LHFPL3: variants seen among roughly 807,000 people sequenced by gnomAD.
LHFPL3 encodes LHFPL tetraspan subfamily member 3 protein.
In LHFPL3, 5 loss-of-function variants were observed where a neutral mutation model predicts 19.3. The observed-to-expected ratio is 0.26, with a 90% CI of 0.14 to 0.54. LHFPL3 has a LOEUF of 0.54. LHFPL3 is among the 20% of genes least tolerant of loss of function. LHFPL3 has a pLI of 0.94. For synonymous variants in LHFPL3, 133 were observed against 126.2 expected (o/e 1.05, Z -0.36); for missense variants, 249 against 307.4 (o/e 0.81, Z 1.42).
intron 1 of LHFPL3, among the ~76,000 whole-genome samples, chr7:104,705,750 C>T (rs149861123): frequency 1.6e-3 from 246 of 152,314 alleles, no homozygotes; most frequent in Non-Finnish European, 2.7e-3. Context: ...TCAGTCCCCA[C>T]ACTGAGGCAG....
At chr7:104,628,086 G>A (rs1791578993) in intron 1 of LHFPL3, among the ~76,000 whole-genome samples, 1 of 152,134 alleles carries the variant, frequency 6.6e-6, no homozygotes, top group Non-Finnish European at 1.5e-5. Context: ...GCCTTGGATG[G>A]AAGGACTTGG....
At chr7:104,353,340 A>C (rs1435323035) in intron 1 of LHFPL3, among the ~76,000 whole-genome samples, 1 of 152,194 alleles carries the variant, frequency 6.6e-6, no homozygotes, top group African/African-American at 2.4e-5. Context: ...ATGTCAGATG[A>C]GACCACATGA....
chr7:104,608,302 G>A (rs1388486513), intron 1 of LHFPL3, among the ~76,000 whole-genome samples: 4 of 151,980 alleles, frequency 2.6e-5, no homozygotes, highest in South Asian at 2.1e-4. Context: ...TACACCATGG[G>A]ATACTATGCA....
At chr7:104,893,566 G>A (rs1792294785) in intron 2 of LHFPL3, among the ~76,000 whole-genome samples, 1 of 151,750 alleles carries the variant, frequency 6.6e-6, no homozygotes, top group African/African-American at 2.4e-5. Context: ...AGTAACCAAG[G>A]TTACTCTCCA....
At chr7:104,509,635 A>G (rs965175053) in intron 1 of LHFPL3, among the ~76,000 whole-genome samples, 1 of 152,112 alleles carries the variant, frequency 6.6e-6, no homozygotes, top group Admixed American at 6.5e-5. Flanking sequence ...TATTATACAT[A>G]ATGGTAAAAA....
chr7:104,871,018 G>T (rs369276171), intron 2 of LHFPL3, among the ~76,000 whole-genome samples: 5 of 152,154 alleles, frequency 3.3e-5, no homozygotes, highest in African/African-American at 1.2e-4. Flanking sequence ...AATAGCACTT[G>T]ACTGAGGGTC....
At chr7:104,856,201 C>G (rs1036657231) in intron 2 of LHFPL3, among the ~76,000 whole-genome samples, 4 of 150,770 alleles carry the variant, frequency 2.7e-5, no homozygotes, top group African/African-American at 9.8e-5. Flanking sequence ...AATGCCAATG[C>G]CTGCACTCTG....
chr7:104,879,026 G>T (rs1423587909), intron 2 of LHFPL3, among the ~76,000 whole-genome samples: 1 of 152,228 alleles, frequency 6.6e-6, no homozygotes, highest in Middle Eastern at 3.2e-3. Context: ...ATTCTACGAA[G>T]GCTGAGAGAG....
At chr7:104,529,759 T>A (rs1584383216) in intron 1 of LHFPL3, among the ~76,000 whole-genome samples, 1 of 152,030 alleles carries the variant, frequency 6.6e-6, no homozygotes, top group Non-Finnish European at 1.5e-5. Flanking sequence ...AGAACAGGGA[T>A]GGGCAGTGCC....
intron 1 of LHFPL3, among the ~76,000 whole-genome samples, chr7:104,446,360 A>G (rs1355812868): frequency 6.6e-6 from 1 of 152,146 alleles, no homozygotes; most frequent in Non-Finnish European, 1.5e-5. Flanking sequence ...CACTCCTTCA[A>G]CCTAGCATTG....
intron 1 of LHFPL3, among the ~76,000 whole-genome samples, chr7:104,427,960 C>T (rs1431094401): frequency 6.6e-6 from 1 of 152,166 alleles, no homozygotes; most frequent in East Asian, 1.9e-4. Context: ...GCTGAGATTA[C>T]ATAGCATATG....
chr7:104,382,896 G>A (rs1220619274), intron 1 of LHFPL3, among the ~76,000 whole-genome samples: 1 of 134,670 alleles, frequency 7.4e-6, no homozygotes, highest in African/African-American at 2.9e-5. Flanking sequence ...TTTCTCATCT[G>A]CAAAATAATC....
At chr7:104,829,572 C>T (rs1040727798) in intron 2 of LHFPL3, among the ~76,000 whole-genome samples, 16 of 151,510 alleles carry the variant, frequency 1.1e-4, no homozygotes, top group Non-Finnish European at 1.5e-4. Context: ...TGAGTGAGAA[C>T]ATGTGGTGTT....
At chr7:104,825,217 T>G (rs1182821664) in intron 2 of LHFPL3, among the ~76,000 whole-genome samples, 1 of 151,726 alleles carries the variant, frequency 6.6e-6, no homozygotes, top group Non-Finnish European at 1.5e-5. Context: ...AATGATCAAT[T>G]CACTTCTCCA....
At chr7:104,394,677 T>C (rs903860161) in intron 1 of LHFPL3, among the ~76,000 whole-genome samples, 4 of 152,092 alleles carry the variant, frequency 2.6e-5, no homozygotes, top group African/African-American at 9.7e-5. Context: ...CAATTGACAT[T>C]AGTTTGTTAT....
intron 1 of LHFPL3, among the ~76,000 whole-genome samples, chr7:104,512,600 G>A (rs767813462): frequency 1.3e-5 from 2 of 152,120 alleles, no homozygotes; most frequent in Non-Finnish European, 2.9e-5. Context: ...GCCAGGCGTG[G>A]TGACAGAAGC....
At chr7:104,483,342 A>C (rs1274968647) in intron 1 of LHFPL3, among the ~76,000 whole-genome samples, 2 of 152,238 alleles carry the variant, frequency 1.3e-5, no homozygotes, top group Non-Finnish European at 2.9e-5. Context: ...GGTGTAAAGC[A>C]CTATGGCTGC....
intron 1 of LHFPL3, among the ~76,000 whole-genome samples, chr7:104,457,318 G>A (rs1792566039): frequency 6.9e-6 from 1 of 144,734 alleles, no homozygotes; most frequent in South Asian, 2.2e-4. Flanking sequence ...CCCTTCCTGT[G>A]TCCATGTGTT....
intron 1 of LHFPL3, among the ~76,000 whole-genome samples, chr7:104,515,505 G>C (rs1319126090): frequency 1.3e-5 from 2 of 152,332 alleles, no homozygotes; most frequent in South Asian, 4.1e-4. Context: ...CATGTGGGAA[G>C]AAGCTCTAGC....
Sources: allele counts gnomAD v4.1 joint callset (sites outside exome capture counted in the v4.1 genomes callset), GRCh38; gene constraint gnomAD v4.1.1; transcripts MANE v1.5; gene names NCBI Gene and HGNC (gene_info 2026-07-23, HGNC 2026-07-21).